Variants in SBF2 observed in about 807,000 individuals in gnomAD.
SBF2 encodes the protein SET binding factor 2.
A neutral mutation model predicts 225.2 loss-of-function variants in SBF2; 112 were observed. The observed-to-expected ratio is 0.50, with a 90% confidence interval of 0.43 to 0.58. The LOEUF (loss-of-function observed/expected upper bound fraction) is 0.58, where lower values mean the gene tolerates loss of function less well. Among genes scored for constraint, SBF2 ranks in the 20% least tolerant of loss-of-function variants. The pLI is 0.00. For missense variants in SBF2, 1,996 were observed against 2,206.2 expected, an observed-to-expected ratio of 0.90 and a Z score of 1.91; for synonymous variants, 763 against 773.3, an observed-to-expected ratio of 0.99 and a Z score of 0.22.
intron 16 of SBF2, among the ~76,000 whole-genome samples, chr11:9,928,320 T>A (rs1330586622): frequency 1.3e-5 from 2 of 152,164 alleles, no homozygotes; most frequent in African/African-American, 4.8e-5. Context: ...AACAAAGATA[T>A]ATAGATGGTA....
At chr11:10,107,573 T>C (rs554834614) in intron 2 of SBF2, among the ~76,000 whole-genome samples, 1 of 152,350 alleles carries the variant, frequency 6.6e-6, no homozygotes, top group African/African-American at 2.4e-5. Flanking sequence ...AATCAAAGTG[T>C]TGGCAGGATT....
chr11:10,201,438 C>T (rs1957565798), intron 1 of SBF2, among the ~76,000 whole-genome samples: 1 of 152,178 alleles, frequency 6.6e-6, no homozygotes, highest in African/African-American at 2.4e-5. Context: ...AAAATAAAAG[C>T]TGCTCATTCA....
At chr11:9,808,210 T>C (rs371121563) in intron 31 of SBF2, 25 bp from the exon 32 acceptor site, 9 of 1,604,984 alleles carry the variant, frequency 5.6e-6, no homozygotes, top group Non-Finnish European at 7.7e-6. Flanking sequence ...GGATGGATTG[T>C]CATTAATTTT....
At chr11:10,001,260 T>C (rs1207317576) in intron 7 of SBF2, among the ~76,000 whole-genome samples, 1 of 152,156 alleles carries the variant, frequency 6.6e-6, no homozygotes, top group Non-Finnish European at 1.5e-5. Context: ...TAACCTTTGT[T>C]TCTTCTAGGC....
chr11:10,253,349 T>C lies in SBF2; in HGVS notation c.55+40666A>G, dbSNP rs575892492. Among the ~76,000 whole-genome samples the C allele has an allele frequency of 1.6e-4, 24 of 152,320 alleles. No individual in the cohort carries two copies. In the East Asian group the frequency reaches 4.6e-3, roughly 29 times the overall value. ...GAGCCACAACTTGTTTCTGAAAGCC[T>C]GTCTTTTTCTTTTTGGGAGGAGATG... On this transcript the variant is annotated intron_variant, in intron 1 of 39. Transcript: ENST00000256190.
intron 1 of SBF2, among the ~76,000 whole-genome samples, chr11:10,230,305 T>C (rs1465281031): frequency 6.6e-6 from 1 of 152,220 alleles, no homozygotes; most frequent in Non-Finnish European, 1.5e-5. Flanking sequence ...ATTTAGACCA[T>C]TTACATTTAA....
chr11:10,186,660 T>A (rs1956943823), intron 2 of SBF2, among the ~76,000 whole-genome samples: 1 of 152,218 alleles, frequency 6.6e-6, no homozygotes, highest in Non-Finnish European at 1.5e-5. Context: ...CATTGGTGAC[T>A]AAACTCAATC....
At chr11:10,196,763 C>T (rs186404885) in intron 1 of SBF2, among the ~76,000 whole-genome samples, 1 of 149,700 alleles carries the variant, frequency 6.7e-6, no homozygotes, top group Admixed American at 6.7e-5. Flanking sequence ...GAAGAAAGCA[C>T]CCATAATCCC....
At chr11:9,800,449 C>T (rs975611751) in intron 32 of SBF2, among the ~76,000 whole-genome samples, 4 of 151,908 alleles carry the variant, frequency 2.6e-5, no homozygotes, top group Non-Finnish European at 5.9e-5. Flanking sequence ...CTCTGTTGCC[C>T]AGGCTGGAGT....
At chr11:10,293,523 CCCCCA>C (rs1232570728) in intron 1 of SBF2, among the ~76,000 whole-genome samples, 1 of 152,200 alleles carries the variant, frequency 6.6e-6, no homozygotes, top group African/African-American at 2.4e-5. Flanking sequence ...GGTCACTAGG[CCCCCA>C]ACAGCACAGG....
chr11:9,833,325 G>C (rs1038498801), intron 26 of SBF2, among the ~76,000 whole-genome samples: 2 of 151,872 alleles, frequency 1.3e-5, no homozygotes, highest in Non-Finnish European at 2.9e-5. Context: ...AGGTTTCAGA[G>C]TCATTTCTTT....
intron 1 of SBF2, among the ~76,000 whole-genome samples, chr11:10,195,942 AG>A (rs1454630870): frequency 6.6e-6 from 1 of 152,208 alleles, no homozygotes; most frequent in Non-Finnish European, 1.5e-5. Context: ...CATCCCAAGC[AG>A]GGTTAATGAA....
Position 10,172,728 on chromosome 11 carries a change from G to A in SBF2, c.141+21174C>T, listed in dbSNP as rs550104446. On this transcript the variant is annotated intron_variant, in intron 2 of 39. Transcript: ENST00000256190. ...GTCGCCCAGGCTGGAGTGCAGTGGCGCCATCTTGGCTCACTGTAACCTCTG... is the reference window on the plus strand; with the variant it reads ...GTCGCCCAGGCTGGAGTGCAGTGGCACCATCTTGGCTCACTGTAACCTCTG... Among the ~76,000 whole-genome samples the A allele has an allele frequency of 1.3e-4, 19 of 149,072 alleles. No individual in the cohort carries two copies. In the South Asian group the frequency reaches 2.8e-3, roughly 22 times the overall value.
chr11:10,230,363 C>A lies in SBF2; in HGVS notation c.56-36376G>T, dbSNP rs374088708. Among the ~76,000 whole-genome samples, 6 of 152,236 alleles carry A rather than the reference C, an allele frequency of 3.9e-5. No individual in the cohort carries two copies. In the East Asian group the frequency reaches 9.6e-4, roughly 24 times the overall value. On this transcript the variant is annotated intron_variant, in intron 1 of 39. Coordinates refer to ENST00000256190, the MANE Select transcript of SBF2 (RefSeq NM_030962.4). ...TTTGATCCTGTCATTATGATGCTGG[C>A]TGGTTATTTTGCTTGTTAGTTGATG... is the stretch of plus-strand genomic sequence containing the variant.
At chr11:10,100,746 CGTCTGTAGCCCCACTGCATGGT>C (rs1952260398) in intron 2 of SBF2, among the ~76,000 whole-genome samples, 1 of 151,862 alleles carries the variant, frequency 6.6e-6, no homozygotes, top group Non-Finnish European at 1.5e-5. Flanking sequence ...GTGGAGTATC[CGTCTGTAGCCCCACTGCATGGT>C]GTCTGTCTTG....
chr11:10,300,558 C>T (rs1244832064), intron 1 of SBF2, among the ~76,000 whole-genome samples: 4 of 151,588 alleles, frequency 2.6e-5, no homozygotes, highest in African/African-American at 9.7e-5. Flanking sequence ...TTGCTTCTTT[C>T]CAGGTGCTTC....
At chr11:10,116,042 G>A (rs1455563290) in intron 2 of SBF2, among the ~76,000 whole-genome samples, 3 of 152,066 alleles carry the variant, frequency 2.0e-5, no homozygotes, top group Non-Finnish European at 2.9e-5. Flanking sequence ...GGTGATGGGC[G>A]CCTGTAGTCC....
At chr11:9,804,020 C>T (rs990807186) in intron 32 of SBF2, among the ~76,000 whole-genome samples, 3 of 152,058 alleles carry the variant, frequency 2.0e-5, no homozygotes, top group Admixed American at 6.6e-5. Flanking sequence ...TGGAGGCTAT[C>T]GTGGGACTAG....
intron 1 of SBF2, among the ~76,000 whole-genome samples, chr11:10,232,926 G>C (rs939046637): frequency 1.3e-5 from 2 of 152,148 alleles, no homozygotes; most frequent in African/African-American, 2.4e-5. Context: ...ATCTCTGATA[G>C]GGAGTGATAA....
Sources: allele counts gnomAD v4.1 joint callset (sites outside exome capture counted in the v4.1 genomes callset), GRCh38; gene constraint gnomAD v4.1.1; transcripts MANE v1.5; gene names NCBI Gene and HGNC (gene_info 2026-07-23, HGNC 2026-07-21).